The following ASTN2 variants were observed in gnomAD, a reference collection of about 807,000 sequenced individuals.
ASTN2 encodes astrotactin-2.
Under a neutral mutation model 139.8 loss-of-function variants are expected in ASTN2, and 54 were observed. The ratio of observed to expected loss-of-function variants is 0.39; its 90% confidence interval spans 0.31 to 0.48. ASTN2 has a LOEUF of 0.48. ASTN2 is among the 20% of genes least tolerant of loss of function. The probability of loss-of-function intolerance (pLI) is 0.95; values close to 1 mark genes in which losing one functional copy is unlikely to be tolerated. For synonymous variants in ASTN2, 756 were observed against 719.5 expected, an observed-to-expected ratio of 1.05 and a Z score of -0.81; for missense variants, 1,565 against 1,725.1, an observed-to-expected ratio of 0.91 and a Z score of 1.64.
chr9:116,748,404 C>T (rs746113568), intron 13 of ASTN2, among the ~76,000 whole-genome samples: 2 of 152,192 alleles, frequency 1.3e-5, no homozygotes, highest in Non-Finnish European at 2.9e-5. Flanking sequence ...ATGCAGACTG[C>T]CTCCCTCAAT....
chr9:117,050,382 TG>T (rs1838881382), intron 5 of ASTN2, among the ~76,000 whole-genome samples: 1 of 152,154 alleles, frequency 6.6e-6, no homozygotes, highest in South Asian at 2.1e-4. Flanking sequence ...ACATTGATTG[TG>T]TATTTAGTAT....
At chr9:117,183,538 C>T (rs1006947145) in intron 3 of ASTN2, among the ~76,000 whole-genome samples, 4 of 152,162 alleles carry the variant, frequency 2.6e-5, no homozygotes, top group African/African-American at 9.7e-5. Flanking sequence ...GAAACGAGGA[C>T]AGTGAGAGGA....
chr9:116,706,093 C>A (rs1827982263), intron 16 of ASTN2, among the ~76,000 whole-genome samples: 1 of 152,048 alleles, frequency 6.6e-6, no homozygotes, highest in South Asian at 2.1e-4. Flanking sequence ...CCTTAGAGTC[C>A]TGAGGGTGGA....
intron 11 of ASTN2, among the ~76,000 whole-genome samples, chr9:116,838,560 A>C (rs914115141): frequency 4.0e-5 from 6 of 148,862 alleles, no homozygotes; most frequent in Non-Finnish European, 7.4e-5. Context: ...AGTAGCTGGA[A>C]TTACAGGCGT....
Position 116,978,495 on chromosome 9 carries a change from G to GCGCACACACACACA in ASTN2, c.1592-1711_1592-1710insTGTGTGTGTGTGCG, listed in dbSNP as rs762311934. On this transcript the variant is annotated intron_variant, in intron 7 of 22. Coordinates refer to ENST00000313400, the MANE Select transcript of ASTN2 (RefSeq NM_001365068.1). ...ATCTCTCTCTCTCTCTCTCTCTCAC[G>GCGCACACACACACA]CACACACACACACACACACACACAC... is the stretch of plus-strand genomic sequence containing the variant. Among the ~76,000 whole-genome samples, 343 of 127,716 alleles carry GCGCACACACACACA rather than the reference G, an allele frequency of 2.7e-3. 2 individuals are homozygous for GCGCACACACACACA. Among genetic ancestry groups the GCGCACACACACACA allele is most frequent in the East Asian group, 0.015 (64 of 4,342 alleles). The allele number at this position is 127,716 out of a possible 152,430, so 83.8% of individuals were successfully genotyped here. A position where few individuals can be genotyped will look rare whatever the true frequency, so the allele number is the denominator to read the frequency against.
chr9:117,208,776 T>C (rs1399971205), intron 3 of ASTN2, among the ~76,000 whole-genome samples: 1 of 152,148 alleles, frequency 6.6e-6, no homozygotes, highest in Non-Finnish European at 1.5e-5. Context: ...GAATTTTCAT[T>C]AAAGTAACAG....
At chr9:117,312,239 G>A (rs1420397113) in intron 1 of ASTN2, among the ~76,000 whole-genome samples, 1 of 152,128 alleles carries the variant, frequency 6.6e-6, no homozygotes, top group Non-Finnish European at 1.5e-5. Context: ...CTGGTTAAGA[G>A]GATGACTAAC....
At chr9:116,615,116 A>G (rs1855771479) in intron 19 of ASTN2, among the ~76,000 whole-genome samples, 1 of 152,226 alleles carries the variant, frequency 6.6e-6, no homozygotes, top group Admixed American at 6.5e-5. Context: ...CAACAGACAC[A>G]TGAAAAAATG....
chr9:116,448,889 G>A (rs557903196), intron 20 of ASTN2, among the ~76,000 whole-genome samples: 29 of 152,292 alleles, frequency 1.9e-4, no homozygotes, highest in African/African-American at 5.8e-4. Flanking sequence ...TGGGAAGACT[G>A]CTAGACACTC....
At chr9:116,756,444 C>T (rs1588267990) in intron 13 of ASTN2, among the ~76,000 whole-genome samples, 1 of 152,108 alleles carries the variant, frequency 6.6e-6, no homozygotes, top group Non-Finnish European at 1.5e-5. Context: ...TTCTGGAATA[C>T]AGTTATTAAC....
At chr9:117,026,650 G>T (rs62564878) in intron 6 of ASTN2, among the ~76,000 whole-genome samples, 1 of 151,954 alleles carries the variant, frequency 6.6e-6, no homozygotes, top group Non-Finnish European at 1.5e-5. Context: ...ATATGGCAGC[G>T]CCTATCAGGT....
intron 5 of ASTN2, among the ~76,000 whole-genome samples, 158 bp from the exon 6 acceptor site, chr9:117,040,123 A>G (rs1295794951): frequency 6.6e-6 from 1 of 152,206 alleles, no homozygotes; most frequent in Non-Finnish European, 1.5e-5. Flanking sequence ...CTGCTATGAC[A>G]CCTCAGTGGG....
intron 2 of ASTN2, among the ~76,000 whole-genome samples, chr9:117,246,221 G>T (rs1833379074): frequency 6.6e-6 from 1 of 152,162 alleles, no homozygotes. Flanking sequence ...GTCCTTGAAG[G>T]TACAGAAAGA....
At chr9:116,565,465 T>C (rs1402567477) in intron 19 of ASTN2, among the ~76,000 whole-genome samples, 1 of 143,044 alleles carries the variant, frequency 7.0e-6, no homozygotes, top group East Asian at 2.1e-4. Context: ...TCTCACTTCA[T>C]CACCCAGGCT....
chr9:117,053,357 T>C (rs1188283018), intron 5 of ASTN2, among the ~76,000 whole-genome samples: 1 of 151,908 alleles, frequency 6.6e-6, no homozygotes, highest in African/African-American at 2.4e-5. Flanking sequence ...GAGGCTGAGG[T>C]AGGAAGATCG....
intron 5 of ASTN2, among the ~76,000 whole-genome samples, chr9:117,073,708 G>T (rs1444374678): frequency 6.6e-6 from 1 of 152,072 alleles, no homozygotes; most frequent in Non-Finnish European, 1.5e-5. Flanking sequence ...AAATTATGTC[G>T]ACAACCACTG....
intron 10 of ASTN2, among the ~76,000 whole-genome samples, chr9:116,871,335 A>T (rs1833160931): frequency 6.6e-6 from 1 of 152,226 alleles, no homozygotes; most frequent in Non-Finnish European, 1.5e-5. Flanking sequence ...CTTTGTTGAG[A>T]TATAATTCAC....
rs76888035 is a variant in ASTN2, at chr9:116,833,011, C to CTGG, written c.2041-12229_2041-12228insCCA. ...TCTTTAAACATTTGGTATATTTCTC[C>CTGG]AGTGAAACTATCCAGGACAGGGATT... On this transcript the variant is annotated intron_variant, in intron 11 of 22. Coordinates refer to ENST00000313400, the MANE Select transcript of ASTN2 (RefSeq NM_001365068.1). Among the ~76,000 whole-genome samples, 3 of 151,154 alleles carry CTGG rather than the reference C, an allele frequency of 2.0e-5. No individual in the cohort carries two copies. The East Asian group carries it at 5.9e-4, about 30-fold the overall frequency.
chr9:116,715,302 T>G (rs1828282985), intron 16 of ASTN2, among the ~76,000 whole-genome samples: 1 of 152,144 alleles, frequency 6.6e-6, no homozygotes, highest in African/African-American at 2.4e-5. Flanking sequence ...CCCAGTGACA[T>G]TCAAAGGTCT....
Sources: gnomAD v4.1 joint callset for allele counts (sites outside exome capture counted in the v4.1 genomes callset) on GRCh38, gnomAD v4.1.1 for gene constraint, MANE v1.5 for transcripts, NCBI Gene and HGNC (gene_info 2026-07-23, HGNC 2026-07-21) for gene names.